The following DNAJB6 variants were observed in gnomAD, a reference collection of about 807,000 sequenced individuals.
DNAJB6 encodes the protein dnaJ homolog subfamily B member 6.
DNAJB6 carries 16 observed loss-of-function variants against 42.7 expected under a neutral mutation model. The ratio of observed to expected loss-of-function variants is 0.37; its 90% confidence interval spans 0.25 to 0.57. The LOEUF (loss-of-function observed/expected upper bound fraction) is 0.57. Ranked by LOEUF, DNAJB6 falls within the 20% of genes least tolerant of loss-of-function variation. DNAJB6 has a pLI of 0.74. For missense variants in DNAJB6, 347 were observed against 416.8 expected (o/e 0.83, Z 1.46); for synonymous variants, 170 against 163.5 (o/e 1.04, Z -0.30).
At chr7:157,383,447 G>A (rs1445200960) in intron 6 of DNAJB6, among the ~76,000 whole-genome samples, 3 of 152,204 alleles carry the variant, frequency 2.0e-5, no homozygotes, top group East Asian at 3.8e-4. Flanking sequence ...ATCTAGGTAA[G>A]TAGTGAATTC....
intron 5 of DNAJB6, chr7:157,369,369 G>GT (rs1483172978): frequency 2.2e-6 from 1 of 456,742 alleles, no homozygotes; most frequent in African/African-American, 2.0e-5. Flanking sequence ...GGACAGGGCA[G>GT]TGTTTGGGTT....
Position 157,417,113 on chromosome 7 carries a change from T to C in DNAJB6, c.*1015T>C, listed in dbSNP as rs974035949. On this transcript the variant is annotated 3_prime_UTR_variant, in exon 10 of 10. Coordinates refer to ENST00000262177, the MANE Select transcript of DNAJB6 (RefSeq NM_058246.4). ...TTCACATGAGGATCTGCCGTTCATG[T>C]TGCTTTCTCCTTTGTCCTCTTGGAC... 3 of 152,284 alleles carry C rather than the reference T, an allele frequency of 2.0e-5. No homozygotes were observed. Among genetic ancestry groups the C allele is most frequent in the African/African-American group, 7.2e-5 (3 of 41,480 alleles). The allele number at this position is 152,284 out of a possible 1,614,324, so 9.4% of individuals were successfully genotyped here.
At chr7:157,373,791 T>C (rs1364738552) in intron 5 of DNAJB6, among the ~76,000 whole-genome samples, 4 of 152,020 alleles carry the variant, frequency 2.6e-5, no homozygotes, top group Non-Finnish European at 5.9e-5. Flanking sequence ...TTGTAATGAG[T>C]GTTCTTTGAT....
intron 5 of DNAJB6, among the ~76,000 whole-genome samples, chr7:157,371,602 G>A (rs1800214757): frequency 6.6e-6 from 1 of 152,252 alleles, no homozygotes; most frequent in South Asian, 2.1e-4. Context: ...TGAATTGGAG[G>A]GGTACAATCA....
chr7:157,363,090 T>G, intron 2 of DNAJB6, 71 bp from the exon 3 acceptor site: 1 of 1,053,674 alleles, frequency 9.5e-7, no homozygotes, highest in South Asian at 1.4e-5. Context: ...TCGTGGTTAA[T>G]GATGTTAGTT....
chr7:157,343,305 G>A (rs1013413970), intron 1 of DNAJB6, among the ~76,000 whole-genome samples: 2 of 151,850 alleles, frequency 1.3e-5, no homozygotes, highest in Non-Finnish European at 2.9e-5. Flanking sequence ...GACTACAGGC[G>A]CTCACCACCA....
chr7:157,340,587 A>G (rs902529492), intron 1 of DNAJB6, among the ~76,000 whole-genome samples: 1 of 151,798 alleles, frequency 6.6e-6, no homozygotes, highest in Non-Finnish European at 1.5e-5. Context: ...AAAACCCTTT[A>G]TGTTTTTGTA....
rs977068418 is a variant in DNAJB6 at position 157,371,334 on chromosome 7, C to T, written c.346+3851C>T. Among the ~76,000 whole-genome samples the T allele has an allele frequency of 9.2e-5, 14 of 152,372 alleles. No homozygotes were observed. The South Asian group carries it at 2.9e-3, about 32-fold the overall frequency. ...TAAGATATTTCCGAGCTGCACTTTA[C>T]ATTTATCAGAATGCAGAACCCCTGC... On this transcript the variant is annotated intron_variant, in intron 5 of 9. Transcript: ENST00000262177.
chr7:157,372,416 G>T (rs565623600), intron 5 of DNAJB6, among the ~76,000 whole-genome samples: 7 of 152,356 alleles, frequency 4.6e-5, no homozygotes, highest in African/African-American at 1.7e-4. Flanking sequence ...GCTCGGCGAG[G>T]AGTGCGAGGA....
chr7:157,409,685 G>T (rs1449793294), intron 8 of DNAJB6, 110 bp from the exon 9 acceptor site: 5 of 1,212,118 alleles, frequency 4.1e-6, no homozygotes, highest in Non-Finnish European at 5.5e-6. Context: ...CCCGGAGATG[G>T]CGCGTCTGGA....
chr7:157,366,451 T>G (rs1563125297), intron 3 of DNAJB6, 51 bp from the exon 4 acceptor site: 1 of 1,507,596 alleles, frequency 6.6e-7, no homozygotes. Flanking sequence ...ATCTATTGAA[T>G]TAAGGGTTTA....
At chr7:157,389,198 T>C (rs1212273678) in intron 8 of DNAJB6, among the ~76,000 whole-genome samples, 3 of 152,370 alleles carry the variant, frequency 2.0e-5, no homozygotes, top group African/African-American at 7.2e-5. Context: ...GCTTGAAAAA[T>C]GCCTGCTTAT....
At chr7:157,351,827 A>C (rs1798995580) in intron 1 of DNAJB6, among the ~76,000 whole-genome samples, 1 of 150,692 alleles carries the variant, frequency 6.6e-6, no homozygotes, top group Non-Finnish European at 1.5e-5. Flanking sequence ...AAAACAAAAC[A>C]AAAAAAACCA....
chr7:157,346,574 A>G (rs1420895338), intron 1 of DNAJB6, among the ~76,000 whole-genome samples: 1 of 152,156 alleles, frequency 6.6e-6, no homozygotes, highest in Admixed American at 6.6e-5. Flanking sequence ...GGTCTGAGGA[A>G]AAAAAAGATA....
chr7:157,392,676 G>A (rs1455821733), intron 8 of DNAJB6, among the ~76,000 whole-genome samples: 1 of 152,114 alleles, frequency 6.6e-6, no homozygotes, highest in Non-Finnish European at 1.5e-5. Context: ...GCCAGTCTTC[G>A]TCGTGCTTTC....
At chr7:157,394,760 CAA>C (rs1801503570) in intron 8 of DNAJB6, among the ~76,000 whole-genome samples, 2 of 152,042 alleles carry the variant, frequency 1.3e-5, no homozygotes, top group Admixed American at 1.3e-4. Context: ...CAACACATCA[CAA>C]GAGCAGATTT....
At chr7:157,350,337 C>G (rs1480194930) in intron 1 of DNAJB6, among the ~76,000 whole-genome samples, 1 of 152,118 alleles carries the variant, frequency 6.6e-6, no homozygotes, top group Non-Finnish European at 1.5e-5. Context: ...AAAAACTTGC[C>G]AAGATAAAGC....
At chr7:157,350,115 T>TG (rs1380930277) in intron 1 of DNAJB6, among the ~76,000 whole-genome samples, 1 of 152,208 alleles carries the variant, frequency 6.6e-6, no homozygotes, top group Non-Finnish European at 1.5e-5. Flanking sequence ...TGTAGCATCC[T>TG]GGTCCATTTT....
intron 1 of DNAJB6, among the ~76,000 whole-genome samples, chr7:157,341,600 AGTT>A (rs1311559643): frequency 1.3e-5 from 2 of 152,184 alleles, no homozygotes; most frequent in African/African-American, 2.4e-5. Flanking sequence ...TGTGTGCTCT[AGTT>A]GGTATGCTTA....
Sources: gnomAD v4.1 joint callset for allele counts (sites outside exome capture counted in the v4.1 genomes callset) on GRCh38, gnomAD v4.1.1 for gene constraint, MANE v1.5 for transcripts, NCBI Gene and HGNC (gene_info 2026-07-23, HGNC 2026-07-21) for gene names.